COPG1: variants seen among roughly 807,000 people sequenced by gnomAD.
COPG1 encodes coatomer subunit gamma-1.
In COPG1, 29 loss-of-function variants were observed where a neutral mutation model predicts 102.8. That is an observed-to-expected ratio of 0.28 (90% confidence interval 0.21 to 0.38). COPG1 has a LOEUF of 0.38. Among genes scored for constraint, COPG1 ranks in the 10% least tolerant of loss-of-function variants. COPG1 has a pLI of 1.00. For missense variants in COPG1, 875 were observed against 1,132.7 expected, an observed-to-expected ratio of 0.77 and a Z score of 3.27; for synonymous variants, 406 against 421.6, an observed-to-expected ratio of 0.96 and a Z score of 0.45.
chr3:129,268,729 G>A, intron 17 of COPG1, 109 bp downstream of exon 17: 1 of 1,354,582 alleles, frequency 7.4e-7, no homozygotes, highest in Non-Finnish European at 1.0e-6. Flanking sequence ...GTTATGCTGG[G>A]AGGAGGAAAT....
chr3:129,264,801 A>G (rs1330171059), intron 13 of COPG1, among the ~76,000 whole-genome samples: 1 of 150,810 alleles, frequency 6.6e-6, no homozygotes, highest in African/African-American at 2.4e-5. Flanking sequence ...CACTTTGGAG[A>G]CACTGTATGC....
chr3:129,252,731 A>G (rs1051285071), intron 4 of COPG1, 37 bp downstream of exon 4: 82 of 1,594,286 alleles, frequency 5.1e-5, no homozygotes, highest in Non-Finnish European at 7.0e-5. Flanking sequence ...GAGAGGTGGC[A>G]GCTGTAACAA....
At chr3:129,252,840 C>A in intron 4 of COPG1, 36 bp from the exon 5 acceptor site, 1 of 1,605,814 alleles carries the variant, frequency 6.2e-7, no homozygotes, top group Non-Finnish European at 8.5e-7. Context: ...CCTTGGTGAG[C>A]CCGGGCTGAT....
chr3:129,267,931 C>A lies in COPG1; in HGVS notation c.1545-6C>A, dbSNP rs1410467183. 6.2e-7 allele frequency: 1 copy of A among 1,613,110 alleles called. No individual in the cohort carries two copies. Among genetic ancestry groups the A allele is most frequent in the African/African-American group, 1.3e-5 (1 of 75,006 alleles). On this transcript the variant is annotated splice_region_variant and splice_polypyrimidine_tract_variant and intron_variant, in intron 15 of 23. Coordinates refer to ENST00000314797, the MANE Select transcript of COPG1 (RefSeq NM_016128.4). ...CAGTCAGGACCACCTTGTGTCCTGG[C>A]TGCAGGTGTGTGATGGATGATGACA...
intron 10 of COPG1, 109 bp downstream of exon 10, chr3:129,257,969 G>T: frequency 7.2e-7 from 1 of 1,387,898 alleles, no homozygotes; most frequent in Non-Finnish European, 9.8e-7. Context: ...AAGTGTTAAG[G>T]AGTCTGTACC....
In COPG1 at chr3:129,271,238, T is replaced by A. The variant is rs976209785; in HGVS notation, c.1844-529T>A. 1.3e-5 allele frequency among the ~76,000 whole-genome samples: 2 copies of A among 152,140 alleles called. No homozygotes were observed. Among genetic ancestry groups the A allele is most frequent in the African/African-American group, 4.8e-5 (2 of 41,410 alleles). On this transcript the variant is annotated intron_variant, in intron 18 of 23. Coordinates refer to ENST00000314797, the MANE Select transcript of COPG1 (RefSeq NM_016128.4). The surrounding 1 kb of genome is among the most constrained non-coding windows in gnomAD (Gnocchi z 4.7). ...CCTGGGCATAGGGTGTAGGGATAGG[T>A]CTTACCAGACACAAACAATTCTAAG...
chr3:129,252,790 G>A (rs1939726756), intron 4 of COPG1, 86 bp from the exon 5 acceptor site: 1 of 1,546,810 alleles, frequency 6.5e-7, no homozygotes, highest in African/African-American at 1.4e-5. Context: ...AGTGTGGGCT[G>A]CCTTTGTGGA....
In COPG1 at chr3:129,269,056, T is replaced by A. The variant is rs10934876; in HGVS notation, c.1843+56T>A. 198,311 of 1,466,900 alleles carry A rather than the reference T, an allele frequency of 0.14. 19,999 individuals carry two copies. The highest frequency in any genetic ancestry group is 0.52 in the African/African-American group (36,872 of 71,528). 90.9% of individuals were successfully genotyped at this position (1,466,900 alleles called of 1,614,324 possible). ...ACCTGGGCTTAGTTTCCTCAGGGGG[T>A]TCAAGAGTAAGAACTGTCATATATT... On this transcript the variant is annotated intron_variant, in intron 18 of 23. Transcript: ENST00000314797.
chr3:129,250,315 G>A (rs72981116), intron 1 of COPG1, among the ~76,000 whole-genome samples: 1 of 152,196 alleles, frequency 6.6e-6, no homozygotes, highest in East Asian at 1.9e-4. Flanking sequence ...ATAATCACAC[G>A]TGTAATTATT....
chr3:129,263,175 G>A (rs1939974859), intron 12 of COPG1, among the ~76,000 whole-genome samples: 1 of 152,172 alleles, frequency 6.6e-6, no homozygotes, highest in Non-Finnish European at 1.5e-5. Context: ...AATGCCTGTT[G>A]GCAGGGTTGG....
In COPG1 at chr3:129,274,934, A is replaced by G. The variant is rs1940237852; in HGVS notation, c.2353A>G (p.Lys785Glu). The G allele has an allele frequency of 1.2e-6, 2 of 1,614,152 alleles. No homozygotes were observed. Among genetic ancestry groups the G allele is most frequent in the African/African-American group, 1.3e-5 (1 of 75,046 alleles). The change falls in exon 22 of 24, where the codon AAG (lysine) becomes GAG (glutamate). Residue 785 changes from lysine (K) to glutamate (E), a missense_variant. By Grantham distance (56) the Lys-to-Glu change is moderately conservative. Coordinates refer to ENST00000314797, the MANE Select transcript of COPG1 (RefSeq NM_016128.4). ...AWDEVGDEFE[K>E]EETFTLSTIK... Reference sequence around the variant, plus strand: ...GGATGAGGTAGGGGATGAATTTGAGAAGGAGGAAACGTTCACCTTGTCTAC... The same window carrying G: ...GGATGAGGTAGGGGATGAATTTGAGGAGGAGGAAACGTTCACCTTGTCTAC...
chr3:129,272,594 A>T (rs1265289569), intron 20 of COPG1, among the ~76,000 whole-genome samples, 179 bp downstream of exon 20: 1 of 152,036 alleles, frequency 6.6e-6, no homozygotes, highest in Non-Finnish European at 1.5e-5. Context: ...TTTTTTAAAG[A>T]GACAGGATCT....
chr3:129,252,538 C>G (rs774188206), intron 3 of COPG1, 85 bp from the exon 4 acceptor site: 19 of 1,212,470 alleles, frequency 1.6e-5, no homozygotes, highest in Non-Finnish European at 2.2e-5. Flanking sequence ...TCTTTAGGGT[C>G]TGGGGATCTG....
intron 23 of COPG1, among the ~76,000 whole-genome samples, chr3:129,277,067 CCA>C (rs1375156317): frequency 6.6e-6 from 1 of 151,902 alleles, no homozygotes; most frequent in African/African-American, 2.4e-5. Context: ...CATGATCTGC[CCA>C]CCTCAGCCTC....
In COPG1 at chr3:129,275,029, C is replaced by T; in HGVS notation, c.2395+53C>T. 6.3e-7 allele frequency: 1 copy of T among 1,598,106 alleles called. No homozygotes were observed. The highest frequency in any genetic ancestry group is 8.6e-7 in the Non-Finnish European group (1 of 1,166,982). The stretch of plus-strand genomic sequence containing the variant: ...CCTAATTACTGTTCAAGATCTTTGG[C>T]TACTATTGAAGTGCTCATCCCTTTT... On this transcript the variant is annotated intron_variant, in intron 22 of 23. Transcript: ENST00000314797. The surrounding 1 kb of genome is among the most constrained non-coding windows in gnomAD (Gnocchi z 5.0).
intron 14 of COPG1, 114 bp downstream of exon 14, chr3:129,265,906 A>C: frequency 1.9e-6 from 2 of 1,062,090 alleles, no homozygotes; most frequent in Non-Finnish European, 1.4e-6. Flanking sequence ...CTTGCTGCAC[A>C]AGCTGTTTTT....
chr3:129,261,046 G>C (rs536178533), intron 12 of COPG1, among the ~76,000 whole-genome samples: 1 of 152,352 alleles, frequency 6.6e-6, no homozygotes, highest in South Asian at 2.1e-4. Flanking sequence ...TTCCAGGCCA[G>C]TTAAGGGTTC....
chr3:129,249,674 CATTGCGTTGCT>C lies in COPG1; in HGVS notation c.-35_-25del. On this transcript the variant is annotated 5_prime_UTR_variant, in exon 1 of 24. Coordinates refer to ENST00000314797, the MANE Select transcript of COPG1 (RefSeq NM_016128.4). Reference sequence around the variant, plus strand: ...GCTACTCCGTGCCGCGCCCGTCGAGCATTGCGTTGCTGCATTGCGCCCCACCGACTCCACTA... The same window carrying C: ...GCTACTCCGTGCCGCGCCCGTCGAGCGCATTGCGCCCCACCGACTCCACTA... 1 of 1,550,664 alleles carries C rather than the reference CATTGCGTTGCT, an allele frequency of 6.4e-7. No homozygotes were observed. Among genetic ancestry groups the C allele is most frequent in the Non-Finnish European group, 8.7e-7 (1 of 1,146,682 alleles).
rs558148285 is a variant in COPG1, at chr3:129,252,840, C to T, written c.244-36C>T. The T allele has an allele frequency of 1.3e-4, 212 of 1,605,812 alleles. 3 individuals are homozygous for T. The South Asian group carries it at 2.2e-3, about 17-fold the overall frequency. ...TCTCCCAACTCTGGCCCTTGGTGAGCCCGGGCTGATAGGGCTTTTCCCACC... is the reference window on the plus strand; with the variant it reads ...TCTCCCAACTCTGGCCCTTGGTGAGTCCGGGCTGATAGGGCTTTTCCCACC... On this transcript the variant is annotated intron_variant, in intron 4 of 23. Coordinates refer to ENST00000314797, the MANE Select transcript of COPG1 (RefSeq NM_016128.4).
Sources: gnomAD v4.1 joint callset for allele counts (sites outside exome capture counted in the v4.1 genomes callset) on GRCh38, gnomAD v4.1.1 for gene constraint, Gnocchi (gnomAD v3.1) non-coding constraint, MANE v1.5 for transcripts, NCBI Gene and HGNC (gene_info 2026-07-23, HGNC 2026-07-21) for gene names.